The following WWOX variants were observed in gnomAD, a reference collection of about 807,000 sequenced individuals.
WWOX encodes the protein WW domain-containing oxidoreductase.
Under a neutral mutation model 46.2 loss-of-function variants are expected in WWOX, and 69 were observed. The ratio of observed to expected loss-of-function variants is 1.49; its 90% CI spans 1.23 to 1.82. The LOEUF is 1.82. WWOX is among the 40% of genes most tolerant of loss of function. The pLI, the probability that WWOX is intolerant of heterozygous loss-of-function variation, is 0.00. For synonymous variants in WWOX, 359 were observed against 202.6 expected (o/e 1.77, Z -6.56); for missense variants, 919 against 542.6 (o/e 1.69, Z -6.89).
chr16:78,354,245 A>G (rs1597084796), intron 5 of WWOX, among the ~76,000 whole-genome samples: 1 of 124,642 alleles, frequency 8.0e-6, no homozygotes, highest in Non-Finnish European at 1.7e-5. Flanking sequence ...CACCCCTGCC[A>G]GAAATAAAGG....
At chr16:78,192,632 T>A (rs1288260916) in intron 5 of WWOX, among the ~76,000 whole-genome samples, 1 of 152,246 alleles carries the variant, frequency 6.6e-6, no homozygotes, top group Non-Finnish European at 1.5e-5. Context: ...TACTGGTGTC[T>A]TCTTACCGTT....
intron 5 of WWOX, among the ~76,000 whole-genome samples, chr16:78,171,028 C>T (rs1056765742): frequency 2.0e-5 from 3 of 152,206 alleles, no homozygotes; most frequent in African/African-American, 7.2e-5. Context: ...GTACTGACAG[C>T]ATTATGTGAT....
intron 6 of WWOX, among the ~76,000 whole-genome samples, chr16:78,420,900 T>C (rs1284805975): frequency 6.6e-6 from 1 of 152,138 alleles, no homozygotes; most frequent in Non-Finnish European, 1.5e-5. Context: ...TGGAAATCTT[T>C]TCGTGGGGTA....
At chr16:78,779,491 C>T (rs1480870868) in intron 8 of WWOX, among the ~76,000 whole-genome samples, 1 of 152,116 alleles carries the variant, frequency 6.6e-6, no homozygotes, top group Non-Finnish European at 1.5e-5. Context: ...GTGTTTCTGC[C>T]ACTGCAGAGG....
At position 78,979,306 on chromosome 16, in the gene WWOX, A is replaced by T. The variant is rs139378603; in HGVS notation, c.1057-232302A>T. Among the ~76,000 whole-genome samples, 609 of 152,024 alleles carry T rather than the reference A, an allele frequency of 4.0e-3. 3 individuals are homozygous for T. Among genetic ancestry groups the T allele is most frequent in the African/African-American group, 0.014 (572 of 41,472 alleles). On this transcript the variant is annotated intron_variant, in intron 8 of 8. Coordinates refer to ENST00000566780, the MANE Select transcript of WWOX (RefSeq NM_016373.4). The stretch of plus-strand genomic sequence containing the variant: ...CTGTGTTTTAGTTCATCTCCTTCTA[A>T]CCTTTATAGTTTTTTTTCTATCATA...
At chr16:79,041,993 C>T (rs140415531) in intron 8 of WWOX, among the ~76,000 whole-genome samples, 53 of 152,172 alleles carry the variant, frequency 3.5e-4, no homozygotes, top group South Asian at 2.9e-3. Context: ...AAAATGGGTG[C>T]GAAATGTAAA....
intron 8 of WWOX, among the ~76,000 whole-genome samples, chr16:78,974,964 G>A: frequency 6.6e-6 from 1 of 152,152 alleles, no homozygotes; most frequent in African/African-American, 2.4e-5. Flanking sequence ...AAAGGGAGAT[G>A]GACATTTCTA....
At chr16:79,161,416 C>T (rs908272446) in intron 8 of WWOX, among the ~76,000 whole-genome samples, 1 of 152,122 alleles carries the variant, frequency 6.6e-6, no homozygotes, top group African/African-American at 2.4e-5. Flanking sequence ...ATAAAATAAG[C>T]ACCCGATGAA....
At chr16:78,232,847 T>C (rs1312969264) in intron 5 of WWOX, among the ~76,000 whole-genome samples, 1 of 151,724 alleles carries the variant, frequency 6.6e-6, no homozygotes, top group Non-Finnish European at 1.5e-5. Context: ...CTTTCTTTTC[T>C]TTTCTTTTTT....
At chr16:78,487,391 A>G (rs903490306) in intron 8 of WWOX, among the ~76,000 whole-genome samples, 8 of 152,082 alleles carry the variant, frequency 5.3e-5, no homozygotes, top group African/African-American at 1.4e-4. Flanking sequence ...ACTAATACAA[A>G]CTAATGAGAT....
intron 8 of WWOX, among the ~76,000 whole-genome samples, chr16:78,933,787 C>T (rs2045674603): frequency 6.6e-6 from 1 of 152,034 alleles, no homozygotes; most frequent in Non-Finnish European, 1.5e-5. Flanking sequence ...ATCCTGCACC[C>T]GTAATTCAAT....
At chr16:78,856,114 C>A (rs189840483) in intron 8 of WWOX, among the ~76,000 whole-genome samples, 3 of 152,244 alleles carry the variant, frequency 2.0e-5, no homozygotes, top group East Asian at 3.9e-4. Context: ...GCAGAGGGAT[C>A]AGCATAGGAA....
At chr16:78,849,424 A>G (rs1406947066) in intron 8 of WWOX, among the ~76,000 whole-genome samples, 1 of 151,826 alleles carries the variant, frequency 6.6e-6, no homozygotes, top group South Asian at 2.1e-4. Flanking sequence ...ACAAAAAAAA[A>G]TTAGCCAGGC....
chr16:78,873,336 G>T (rs2044167198), intron 8 of WWOX: 1 of 152,176 alleles, frequency 6.6e-6, no homozygotes. Context: ...TATTATCAGA[G>T]ATCTGGTCAT....
intron 8 of WWOX, among the ~76,000 whole-genome samples, chr16:78,844,148 A>G (rs868781881): frequency 6.6e-6 from 1 of 152,118 alleles, no homozygotes; most frequent in African/African-American, 2.4e-5. Flanking sequence ...GTATTTGTTT[A>G]TTTAGCCAAG....
Position 78,436,276 on chromosome 16 carries a change from A to G in WWOX, c.1056+3524A>G, listed in dbSNP as rs145291026. On this transcript the variant is annotated intron_variant, in intron 8 of 8. Coordinates refer to ENST00000566780, the MANE Select transcript of WWOX (RefSeq NM_016373.4). ...GAGAAGGGCTTTGTCCCTGGCCCCAAAGACTCAGGGAGAGGTTTACTGGCC... is the reference window on the plus strand; with the variant it reads ...GAGAAGGGCTTTGTCCCTGGCCCCAGAGACTCAGGGAGAGGTTTACTGGCC... 5.8e-3 allele frequency among the ~76,000 whole-genome samples: 883 copies of G among 152,276 alleles called. 5 individuals are homozygous for G. Among genetic ancestry groups the G allele is most frequent in the South Asian group, 0.012 (56 of 4,808 alleles).
Position 78,115,124 on chromosome 16 carries a change from G to A in WWOX, c.379G>A (p.Val127Ile), listed in dbSNP as rs1183597678. The change falls in exon 4 of 9, where the codon GTT (valine) becomes ATT (isoleucine). Residue 127 changes from valine (V) to isoleucine (I), a missense_variant. Physicochemically the swap from Val to Ile is conservative, Grantham distance 29. Coordinates refer to ENST00000566780, the MANE Select transcript of WWOX (RefSeq NM_016373.4). ...LQGRDFTGKVVVVTGANSGIG... is the reference protein window; with the variant it reads ...LQGRDFTGKVIVVTGANSGIG... ...GGGCCGGGATTTCACTGGCAAAGTGGTTGTGGTCACTGGAGCTAATTCAGG... is the reference window on the plus strand; with the variant it reads ...GGGCCGGGATTTCACTGGCAAAGTGATTGTGGTCACTGGAGCTAATTCAGG... 1.9e-6 allele frequency: 3 copies of A among 1,614,090 alleles called. No homozygotes were observed. The highest frequency in any genetic ancestry group is 1.7e-5 in the Admixed American group (1 of 59,998).
chr16:79,058,908 C>G (rs1302855737), intron 8 of WWOX, among the ~76,000 whole-genome samples: 1 of 152,170 alleles, frequency 6.6e-6, no homozygotes, highest in Admixed American at 6.5e-5. Flanking sequence ...TCTCCGTACA[C>G]TTTGGACATG....
At chr16:79,066,528 G>A (rs527658650) in intron 8 of WWOX, among the ~76,000 whole-genome samples, 2 of 152,314 alleles carry the variant, frequency 1.3e-5, no homozygotes, top group Admixed American at 6.5e-5. Flanking sequence ...AGGGAGGGAA[G>A]GAAGGAGGGA....
Sources: gnomAD v4.1 joint callset for allele counts (sites outside exome capture counted in the v4.1 genomes callset) on GRCh38, gnomAD v4.1.1 for gene constraint, MANE v1.5 for transcripts, NCBI Gene and HGNC (gene_info 2026-07-23, HGNC 2026-07-21) for gene names.